NTRK3: variants seen among roughly 807,000 people sequenced by gnomAD.
NTRK3 encodes the protein NT-3 growth factor receptor.
Under a neutral mutation model 91.7 loss-of-function variants are expected in NTRK3, and 24 were observed. The observed-to-expected ratio is 0.26, with a 90% CI of 0.19 to 0.37. NTRK3 has a LOEUF of 0.37. NTRK3 is among the 10% of genes least tolerant of loss of function. The probability of loss-of-function intolerance (pLI) is 1.00; values close to 1 mark genes in which losing one functional copy is unlikely to be tolerated. For missense variants in NTRK3, 880 were observed against 1,068.9 expected, an observed-to-expected ratio of 0.82 and a Z score of 2.46; for synonymous variants, 483 against 404.0, an observed-to-expected ratio of 1.20 and a Z score of -2.34.
At chr15:87,911,121 G>A (rs2067065041) in intron 17 of NTRK3, among the ~76,000 whole-genome samples, 1 of 152,188 alleles carries the variant, frequency 6.6e-6, no homozygotes, top group South Asian at 2.1e-4. Context: ...TTCAGAGCAA[G>A]ATAAACACAG....
intron 17 of NTRK3, among the ~76,000 whole-genome samples, chr15:87,909,133 G>T (rs1030450497): frequency 6.6e-6 from 1 of 152,026 alleles, no homozygotes; most frequent in Non-Finnish European, 1.5e-5. Context: ...ATTTAGAAAG[G>T]TTAACTCACT....
chr15:87,862,078 C>T, exon 19 of NTRK3: 1 of 214,762 alleles, frequency 4.7e-6, no homozygotes, highest in East Asian at 6.9e-5. Flanking sequence ...AGACAAAACT[C>T]CTCTATTCTA....
chr15:88,051,148 A>G (rs941411345), intron 13 of NTRK3, among the ~76,000 whole-genome samples: 6 of 152,084 alleles, frequency 3.9e-5, no homozygotes, highest in Admixed American at 1.3e-4. Context: ...CCAAATACAC[A>G]ATCTACATTT....
chr15:88,128,679 C>A, intron 11 of NTRK3, 32 bp downstream of exon 11: 1 of 1,610,914 alleles, frequency 6.2e-7, no homozygotes, highest in South Asian at 1.1e-5. Context: ...CAGAATAAAT[C>A]AGTTTCAAAG....
At position 88,256,197 on chromosome 15, in the gene NTRK3, G is replaced by C. The variant is rs187631044; in HGVS notation, c.-15-29C>G. The C allele has an allele frequency of 2.3e-3, 2,673 of 1,173,352 alleles. 25 individuals carry two copies. Among genetic ancestry groups the C allele is most frequent in the Middle Eastern group, 8.8e-3 (32 of 3,638 alleles). The allele number at this position is 1,173,352 out of a possible 1,614,324, so 72.7% of individuals were successfully genotyped here. On this transcript the variant is annotated intron_variant, in intron 2 of 18. Transcript: ENST00000394480. ...AAAAAGAGGAGGAGGAGAGGAGAGG[G>C]GGGTGGGGTGGGGGGAGTGGGGAGA...
chr15:88,224,392 A>C (rs1429579185), intron 3 of NTRK3, among the ~76,000 whole-genome samples: 1 of 152,212 alleles, frequency 6.6e-6, no homozygotes, highest in Non-Finnish European at 1.5e-5. Context: ...AGGTGCAGAC[A>C]AGTCCCACAC....
chr15:87,897,261 A>G (rs1415041450), intron 17 of NTRK3, among the ~76,000 whole-genome samples: 6 of 152,218 alleles, frequency 3.9e-5, no homozygotes, highest in Non-Finnish European at 7.3e-5. Context: ...CCCCAGGAAC[A>G]CATGCCTTTT....
chr15:88,023,474 C>A (rs1177490257), intron 14 of NTRK3, among the ~76,000 whole-genome samples: 1 of 152,120 alleles, frequency 6.6e-6, no homozygotes, highest in African/African-American at 2.4e-5. Flanking sequence ...CACTGCCTAC[C>A]AAGCAGGGCC....
intron 14 of NTRK3, among the ~76,000 whole-genome samples, chr15:87,947,968 G>A (rs2070740131): frequency 6.6e-6 from 1 of 152,116 alleles, no homozygotes; most frequent in Non-Finnish European, 1.5e-5. Flanking sequence ...CAAGAGGGCA[G>A]GGCCCTGCCT....
At chr15:88,038,226 G>A (rs563450222) in intron 13 of NTRK3, among the ~76,000 whole-genome samples, 2 of 111,294 alleles carry the variant, frequency 1.8e-5, no homozygotes, top group African/African-American at 9.9e-5. Flanking sequence ...GTCTTCTGAT[G>A]TATGTCACTG....
chr15:87,869,840 GA>G (rs1257025696), exon 19 of NTRK3: 2 of 194,522 alleles, frequency 1.0e-5, no homozygotes, highest in Non-Finnish European at 1.1e-5. Context: ...CTCCAATGAG[GA>G]AAAAAAATTG....
chr15:88,120,991 G>A (rs747120057), intron 13 of NTRK3, among the ~76,000 whole-genome samples: 2 of 152,156 alleles, frequency 1.3e-5, no homozygotes, highest in Non-Finnish European at 2.9e-5. Context: ...GGGAGTAAGA[G>A]GAAGCCAAGA....
intron 6 of NTRK3, among the ~76,000 whole-genome samples, chr15:88,141,960 G>C (rs1490869786): frequency 6.6e-6 from 1 of 152,230 alleles, no homozygotes; most frequent in African/African-American, 2.4e-5. Flanking sequence ...AACTGCAAAA[G>C]AACTGTGGGG....
Position 88,062,926 on chromosome 15 carries a change from T to G in NTRK3, c.1397-29881A>C, listed in dbSNP as rs142187797. On this transcript the variant is annotated intron_variant, in intron 13 of 18. Transcript: ENST00000394480. ...CCCCCATTCTAGAATCCTAGGCATTTGAACTTCTGATTATCTTGTTTCCTT... is the reference window on the plus strand; with the variant it reads ...CCCCCATTCTAGAATCCTAGGCATTGGAACTTCTGATTATCTTGTTTCCTT... 9.9e-3 allele frequency among the ~76,000 whole-genome samples: 1,512 copies of G among 152,364 alleles called. 14 individuals are homozygous for G. Among genetic ancestry groups the G allele is most frequent in the Non-Finnish European group, 0.013 (888 of 68,034 alleles).
chr15:88,250,125 G>C (rs1785269272), intron 3 of NTRK3, among the ~76,000 whole-genome samples: 1 of 152,168 alleles, frequency 6.6e-6, no homozygotes, highest in Non-Finnish European at 1.5e-5. Context: ...CATGTCAATA[G>C]CCCCTCACAT....
At chr15:87,878,588 A>G (rs1041467501) in intron 18 of NTRK3, among the ~76,000 whole-genome samples, 1 of 152,208 alleles carries the variant, frequency 6.6e-6, no homozygotes, top group African/African-American at 2.4e-5. Flanking sequence ...CCAAGATCAA[A>G]GGCACCTGGG....
At chr15:88,031,728 G>A (rs2078556687) in intron 14 of NTRK3, among the ~76,000 whole-genome samples, 1 of 152,164 alleles carries the variant, frequency 6.6e-6, no homozygotes, top group African/African-American at 2.4e-5. Context: ...GGGAAATGAA[G>A]CAAAGGCTGA....
intron 5 of NTRK3, among the ~76,000 whole-genome samples, chr15:88,181,515 C>T (rs533274583): frequency 3.5e-4 from 53 of 152,236 alleles, no homozygotes; most frequent in Non-Finnish European, 6.6e-4. Context: ...GCAGGGACAC[C>T]GTGCCCTAGA....
intron 17 of NTRK3, among the ~76,000 whole-genome samples, chr15:87,917,318 A>G (rs1478748471): frequency 6.6e-6 from 1 of 152,238 alleles, no homozygotes; most frequent in Non-Finnish European, 1.5e-5. Flanking sequence ...ATAAGGAAGG[A>G]AACCTGTGGA....
Sources: gnomAD v4.1 joint callset for allele counts (sites outside exome capture counted in the v4.1 genomes callset) on GRCh38, gnomAD v4.1.1 for gene constraint, MANE v1.5 for transcripts, NCBI Gene and HGNC (gene_info 2026-07-23, HGNC 2026-07-21) for gene names.